The following ASH2L variants were observed in gnomAD, a reference collection of about 807,000 sequenced individuals.
The protein encoded by ASH2L is set1/Ash2 histone methyltransferase complex subunit ASH2.
ASH2L carries 30 observed loss-of-function variants against 81.1 expected under a neutral mutation model. The ratio of observed to expected loss-of-function variants is 0.37; its 90% CI spans 0.28 to 0.50. ASH2L has a LOEUF of 0.50. ASH2L is among the 20% of genes least tolerant of loss of function. The pLI is 0.95. For synonymous variants in ASH2L, 273 were observed against 279.9 expected (o/e 0.98, Z 0.24); for missense variants, 559 against 792.1 (o/e 0.71, Z 3.53).
intron 13 of ASH2L, among the ~76,000 whole-genome samples, chr8:38,134,112 GCTTGAAGGCAGCATGCT>G (rs1319775901): frequency 6.6e-6 from 1 of 152,140 alleles, no homozygotes; most frequent in Non-Finnish European, 1.5e-5. Flanking sequence ...TTAAACAGAT[GCTTGAAGGCAGCATGCT>G]CGTTAAGAGT....
Position 38,138,994 on chromosome 8 carries a change from G to C in ASH2L, c.1810G>C (p.Glu604Gln). 6.2e-7 allele frequency: 1 copy of C among 1,613,900 alleles called. No homozygotes were observed. Among genetic ancestry groups the C allele is most frequent in the Middle Eastern group, 1.6e-4 (1 of 6,062 alleles). The stretch of plus-strand genomic sequence containing the variant: ...TGACATGGGCTGGGGCGCCGTGGTA[G>C]AGCACACCCTGGCTGACGTCTTGTA... ...MSDMGWGAVV[E>Q]HTLADVLYHV... is the part of the protein sequence containing the mutation. The change falls in exon 16 of 16, where the codon GAG becomes CAG. Residue 604 changes from glutamate (E) to glutamine (Q), a missense_variant. By Grantham distance (29) the Glu-to-Gln change is conservative. Transcript: ENST00000343823.
In ASH2L at chr8:38,109,680, A is replaced by G. The variant is rs549899215; in HGVS notation, c.402-699A>G. On this transcript the variant is annotated intron_variant, in intron 3 of 15. Transcript: ENST00000343823. ...GTCTTCTCTTGATGTCAGGTGATCC[A>G]TGCGCCTTGGCCTCTCAAAGTTCTG... 2.0e-5 allele frequency among the ~76,000 whole-genome samples: 3 copies of G among 152,214 alleles called. No homozygotes were observed. The South Asian group carries it at 6.2e-4, about 32-fold the overall frequency.
At position 38,138,833 on chromosome 8, in the gene ASH2L, A is replaced by C. The variant is rs1488576373; in HGVS notation, c.1737A>C (p.Gly579=). 6.2e-7 allele frequency: 1 copy of C among 1,614,076 alleles called. No individual in the cohort carries two copies. Among genetic ancestry groups the C allele is most frequent in the Admixed American group, 1.7e-5 (1 of 59,986 alleles). The part of the protein sequence containing the change: ...YKSCTVSINF[G]PCFKYPPKDL... Reference sequence around the variant, plus strand: ...CGCTCCAGGTTTCCATTAACTTTGGACCATGCTTCAAGTATCCTCCGAAGG... The same window carrying C: ...CGCTCCAGGTTTCCATTAACTTTGGCCCATGCTTCAAGTATCCTCCGAAGG... Residue 579 remains glycine (G), a synonymous_variant, in exon 15 of 16, where the codon GGA becomes GGC. Coordinates refer to ENST00000343823, the MANE Select transcript of ASH2L (RefSeq NM_004674.5).
At chr8:38,105,944 T>G (rs1480438512) in intron 1 of ASH2L, 7 of 1,503,248 alleles carry the variant, frequency 4.7e-6, no homozygotes, top group Middle Eastern at 1.7e-4. Flanking sequence ...CGGTGGGAGC[T>G]GAGGCTCCTG....
At chr8:38,106,506 C>CTTTT (rs112972804) in intron 2 of ASH2L, 62 bp downstream of exon 2, 87 of 966,624 alleles carry the variant, frequency 9.0e-5, no homozygotes, top group East Asian at 2.0e-4. Context: ...TCTTCTTCTT[C>CTTTT]TTTTTTTTTT....
chr8:38,108,097 G>T (rs1350431149), intron 3 of ASH2L, among the ~76,000 whole-genome samples: 1 of 152,088 alleles, frequency 6.6e-6, no homozygotes, highest in African/African-American at 2.4e-5. Flanking sequence ...ACCACACCCA[G>T]CTTTCCTTTA....
At chr8:38,134,621 G>A (rs116246361) in intron 13 of ASH2L, among the ~76,000 whole-genome samples, 1,795 of 152,266 alleles carry the variant, frequency 0.012, 47 homozygotes, top group African/African-American at 0.04. Flanking sequence ...AATAAAAAGG[G>A]AAGTGGGATG....
At chr8:38,114,596 A>C (rs932196603) in intron 6 of ASH2L, among the ~76,000 whole-genome samples, 1 of 152,178 alleles carries the variant, frequency 6.6e-6, no homozygotes, top group African/African-American at 2.4e-5. Context: ...TTAAAAAAAA[A>C]GTTATAGGCA....
chr8:38,119,199 C>G, intron 8 of ASH2L, 71 bp from the exon 9 acceptor site: 1 of 1,370,086 alleles, frequency 7.3e-7, no homozygotes. Context: ...GTGTTGGTCC[C>G]TATGGAATTT....
intron 13 of ASH2L, among the ~76,000 whole-genome samples, chr8:38,134,319 G>GA (rs754470089): frequency 2.5e-3 from 326 of 129,956 alleles, no homozygotes; most frequent in African/African-American, 4.1e-3. Flanking sequence ...AATGATCAAT[G>GA]AAAAAAAAAA....
In ASH2L at chr8:38,121,333, T is replaced by TTATTTA. The variant is rs1230317862; in HGVS notation, c.1165+187_1165+188insTTATAT. On this transcript the variant is annotated intron_variant, in intron 10 of 15. Coordinates refer to ENST00000343823, the MANE Select transcript of ASH2L (RefSeq NM_004674.5). ...TTCCTATAAGCTCCAGCCGTTTTAT[T>TTATTTA]TATATATATATATATATATATATAT... 5.3e-3 allele frequency among the ~76,000 whole-genome samples: 318 copies of TTATTTA among 59,550 alleles called. 2 individuals carry two copies. The highest frequency in any genetic ancestry group is 0.015 in the African/African-American group (233 of 15,842). 39.1% of individuals were successfully genotyped at this position (59,550 alleles called of 152,430 possible).
At chr8:38,106,480 G>A in intron 2 of ASH2L, 36 bp downstream of exon 2, 3 of 1,467,412 alleles carry the variant, frequency 2.0e-6, no homozygotes, top group Non-Finnish European at 2.8e-6. Flanking sequence ...ACAAAATAGG[G>A]TTTGTTTTAG....
rs753174775 is a variant in ASH2L at position 38,138,857 on chromosome 8, G to T, written c.1761G>T (p.Lys587Asn). The T allele has an allele frequency of 3.1e-6, 5 of 1,614,124 alleles. No homozygotes were observed. Among genetic ancestry groups the T allele is most frequent in the Non-Finnish European group, 4.2e-6 (5 of 1,180,020 alleles). Residue 587 changes from lysine (K) to asparagine (N), a missense_variant, in exon 15 of 16, where the codon AAG becomes AAT. Around this residue, in one of 4 missense-constraint regions of ASH2L, gnomAD observed 95 missense variants for 130.7 expected, o/e 0.73. Coordinates refer to ENST00000343823, the MANE Select transcript of ASH2L (RefSeq NM_004674.5). ...NFGPCFKYPP[K>N]DLTYRPMSDM... ...GACCATGCTTCAAGTATCCTCCGAAGGATCTCACTTACCGCCCTGTGAGTA... is the reference window on the plus strand; with the variant it reads ...GACCATGCTTCAAGTATCCTCCGAATGATCTCACTTACCGCCCTGTGAGTA...
intron 5 of ASH2L, among the ~76,000 whole-genome samples, chr8:38,112,530 T>C (rs1340316302): frequency 1.3e-5 from 2 of 152,134 alleles, no homozygotes; most frequent in Admixed American, 1.3e-4. Context: ...CCCAAGGTGC[T>C]GAGATTACAG....
chr8:38,107,758 T>C (rs753211271), intron 3 of ASH2L, among the ~76,000 whole-genome samples: 31 of 152,162 alleles, frequency 2.0e-4, no homozygotes, highest in Non-Finnish European at 3.1e-4. Flanking sequence ...CTCTGTAATG[T>C]TCTTTATGGT....
At chr8:38,122,167 C>T (rs1199248776) in intron 10 of ASH2L, among the ~76,000 whole-genome samples, 1 of 151,796 alleles carries the variant, frequency 6.6e-6, no homozygotes, top group Non-Finnish European at 1.5e-5. Flanking sequence ...TAAATTATTC[C>T]AGCTTTGGCA....
chr8:38,120,513 T>G (rs111387221), intron 9 of ASH2L, among the ~76,000 whole-genome samples: 1,671 of 151,192 alleles, frequency 0.011, 31 homozygotes, highest in South Asian at 0.08. Context: ...TTACTTAGAT[T>G]AGCAAGATAG....
rs398046977 is a variant in ASH2L, at chr8:38,121,339, A to T, written c.1165+190A>T. Among the ~76,000 whole-genome samples, 121 of 41,168 alleles carry T rather than the reference A, an allele frequency of 2.9e-3. No homozygotes were observed. In the Middle Eastern group the frequency reaches 0.038, roughly 13 times the overall value. The allele number at this position is 41,168 out of a possible 152,430, so 27.0% of individuals were successfully genotyped here. A position where few individuals can be genotyped will look rare whatever the true frequency, so the allele number is the denominator to read the frequency against. On this transcript the variant is annotated intron_variant, in intron 10 of 15. Transcript: ENST00000343823. ...TAAGCTCCAGCCGTTTTATTTATAT[A>T]TATATATATATATATATATATATAT...
chr8:38,105,501 C>CGCGCGCGAGAGAAGAGAGTAT (rs550033219), upstream of ASH2L: 1,255 of 1,478,406 alleles, frequency 8.5e-4, no homozygotes, highest in Middle Eastern at 1.1e-3. Flanking sequence ...CACACAGCAA[C>CGCGCGCGAGAGAAGAGAGTAT]GCGCGCGAGA....
Sources: allele counts gnomAD v4.1 joint callset (sites outside exome capture counted in the v4.1 genomes callset), GRCh38; gene constraint gnomAD v4.1.1; regional missense constraint gnomAD v4.1.1; transcripts MANE v1.5; gene names NCBI Gene and HGNC (gene_info 2026-07-23, HGNC 2026-07-21).